DNM2: variants seen among roughly 807,000 people sequenced by gnomAD.
The protein encoded by DNM2 is dynamin 2.
DNM2 carries 15 observed loss-of-function variants against 99.0 expected under a neutral mutation model. The ratio of observed to expected loss-of-function variants is 0.15; its 90% CI spans 0.10 to 0.23. The LOEUF is 0.23. Among genes scored for constraint, DNM2 ranks in the 10% least tolerant of loss-of-function variants. DNM2 has a pLI of 1.00. For synonymous variants in DNM2, 525 were observed against 481.2 expected (o/e 1.09, Z -1.19); for missense variants, 742 against 1,189.4 (o/e 0.62, Z 5.53).
At chr19:10,797,248 G>A (rs546437556) in intron 9 of DNM2, 132 bp from the exon 10 acceptor site, 92 of 1,346,610 alleles carry the variant, frequency 6.8e-5, no homozygotes, top group African/African-American at 1.7e-4. Context: ...AAATGCGGGC[G>A]CAGGCTCCCC....
At position 10,821,033 on chromosome 19, in the gene DNM2, G is replaced by A. The variant is rs562744068; in HGVS notation, c.1781+944G>A. ...AGGGATTAGCTGTCAGTAAAGGCCCGGTGGTACCCTGAGACCTGTAGGCAG... is the reference window on the plus strand; with the variant it reads ...AGGGATTAGCTGTCAGTAAAGGCCCAGTGGTACCCTGAGACCTGTAGGCAG... On this transcript the variant is annotated intron_variant, in intron 16 of 20. Transcript: ENST00000389253. 1.4e-4 allele frequency among the ~76,000 whole-genome samples: 21 copies of A among 152,282 alleles called. No homozygotes were observed. The East Asian group carries it at 3.9e-3, about 28-fold the overall frequency.
rs942299111 is a variant in DNM2 at position 10,817,603 on chromosome 19, G to A, written c.1672-2377G>A. On this transcript the variant is annotated intron_variant, in intron 15 of 20. Coordinates refer to ENST00000389253, the MANE Select transcript of DNM2 (RefSeq NM_001005361.3). The surrounding 1 kb of genome is among the most constrained non-coding windows in gnomAD (Gnocchi z 4.6). The stretch of plus-strand genomic sequence containing the variant: ...AGCCAAGGAAACCACCACTCTTCCC[G>A]AGACGATCCGCTCTGTCCCTTCTGA... 17 of 339,666 alleles carry A rather than the reference G, an allele frequency of 5.0e-5. No individual in the cohort carries two copies. The highest frequency in any genetic ancestry group is 3.2e-4 in the African/African-American group (14 of 43,618). 21.0% of individuals were successfully genotyped at this position (339,666 alleles called of 1,614,324 possible). A position where few individuals can be genotyped will look rare whatever the true frequency, so the allele number is the denominator to read the frequency against.
chr19:10,829,524 G>A (rs1372857787), intron 19 of DNM2, among the ~76,000 whole-genome samples: 1 of 152,178 alleles, frequency 6.6e-6, no homozygotes, highest in Non-Finnish European at 1.5e-5. Flanking sequence ...CCTTCCATTG[G>A]CACAGCCCAA....
chr19:10,777,254 G>A, intron 5 of DNM2, 38 bp downstream of exon 5: 1 of 1,598,626 alleles, frequency 6.3e-7, no homozygotes, highest in Non-Finnish European at 8.6e-7. Flanking sequence ...AGGAGGATGG[G>A]TGGGGTCCTT....
At chr19:10,722,716 C>T (rs1468639510) in intron 1 of DNM2, among the ~76,000 whole-genome samples, 1 of 151,020 alleles carries the variant, frequency 6.6e-6, no homozygotes, top group Non-Finnish European at 1.5e-5. Flanking sequence ...GCCTTGACCT[C>T]CTGGGCTCAA....
chr19:10,800,245 T>C (rs1354369972), intron 11 of DNM2, among the ~76,000 whole-genome samples: 4 of 152,218 alleles, frequency 2.6e-5, no homozygotes, highest in African/African-American at 7.2e-5. Flanking sequence ...CCTTGCTTGC[T>C]ATGTCACTTT....
chr19:10,718,164 A>G lies in DNM2; in HGVS notation c.-79A>G. 1 of 1,290,242 alleles carries G rather than the reference A, an allele frequency of 7.8e-7. No homozygotes were observed. The highest frequency in any genetic ancestry group is 9.8e-7 in the Non-Finnish European group (1 of 1,019,662). 79.9% of individuals were successfully genotyped at this position (1,290,242 alleles called of 1,614,324 possible). A position where few individuals can be genotyped will look rare whatever the true frequency, so the allele number is the denominator to read the frequency against. Reference sequence around the variant, plus strand: ...CGGGCGGGCGGGGAGCAACGGCTACAGACGCCGCGGGGCCAGGTCGTTGAG... The same window carrying G: ...CGGGCGGGCGGGGAGCAACGGCTACGGACGCCGCGGGGCCAGGTCGTTGAG... On this transcript the variant is annotated 5_prime_UTR_variant, in exon 1 of 21. Transcript: ENST00000389253.
At chr19:10,728,350 A>G (rs761483726) in intron 1 of DNM2, among the ~76,000 whole-genome samples, 5 of 152,102 alleles carry the variant, frequency 3.3e-5, no homozygotes, top group Non-Finnish European at 7.4e-5. Flanking sequence ...CACAGGGAGG[A>G]GGACAGAGGA....
intron 1 of DNM2, among the ~76,000 whole-genome samples, chr19:10,752,723 G>A (rs1205610056): frequency 1.3e-5 from 2 of 152,178 alleles, no homozygotes; most frequent in African/African-American, 4.8e-5. Flanking sequence ...CTGTAAAATG[G>A]AGCCAGCAGA....
intron 1 of DNM2, among the ~76,000 whole-genome samples, chr19:10,727,298 T>C (rs1460520330): frequency 6.6e-6 from 1 of 152,174 alleles, no homozygotes; most frequent in Non-Finnish European, 1.5e-5. Flanking sequence ...TGTTTCTGGA[T>C]GAGGGCGGAA....
Position 10,823,871 on chromosome 19 carries a change from G to A in DNM2, c.1865G>A (p.Arg622Gln), listed in dbSNP as rs1196916227. The A allele has an allele frequency of 6.2e-7, 1 of 1,613,708 alleles. No homozygotes were observed. The highest frequency in any genetic ancestry group is 8.5e-7 in the Non-Finnish European group (1 of 1,179,978). The change falls in exon 17 of 21, where the codon CGA becomes CAA. Residue 622 changes from arginine (R) to glutamine (Q), a missense_variant. Physicochemically the swap from Arg to Gln is conservative, Grantham distance 43 (BLOSUM62 1). Coordinates refer to ENST00000389253, the MANE Select transcript of DNM2 (RefSeq NM_001005361.3). Reference sequence around the variant, plus strand: ...GACAGCTGGAAGGCCTCGTTCCTCCGAGCTGGCGTCTACCCCGAGAAGGAC... The same window carrying A: ...GACAGCTGGAAGGCCTCGTTCCTCCAAGCTGGCGTCTACCCCGAGAAGGAC... The part of the protein sequence containing the change: ...DVDSWKASFL[R>Q]AGVYPEKDQA...
chr19:10,779,745 G>A (rs953632121), intron 5 of DNM2, among the ~76,000 whole-genome samples: 1 of 151,774 alleles, frequency 6.6e-6, no homozygotes, highest in Non-Finnish European at 1.5e-5. Context: ...GAGTGCAGGG[G>A]CACAATCTCA....
At chr19:10,792,183 C>A (rs1465257121) in intron 7 of DNM2, among the ~76,000 whole-genome samples, 1 of 152,216 alleles carries the variant, frequency 6.6e-6, no homozygotes, top group Non-Finnish European at 1.5e-5. Context: ...AATGTGCACA[C>A]CCTTTACTTC....
chr19:10,825,180 G>A lies in DNM2; in HGVS notation c.2017G>A (p.Asp673Asn), dbSNP rs1423993325. ...YVAIINKSIR[D>N]LMPKTIMHLM... ...GGCCATCATCAACAAGTCCATCCGC[G>A]ACCTCATGCCAAAGACCATCATGCA... Residue 673 changes from aspartate (D) to asparagine (N), a missense_variant, in exon 18 of 21, where the codon GAC becomes AAC. Asp to Asn is a conservative substitution (Grantham distance 23). Transcript: ENST00000389253. 3 of 1,614,050 alleles carry A rather than the reference G, an allele frequency of 1.9e-6. No individual in the cohort carries two copies. The highest frequency in any genetic ancestry group is 2.5e-6 in the Non-Finnish European group (3 of 1,180,038).
At chr19:10,785,561 G>A (rs1041871917) in intron 6 of DNM2, among the ~76,000 whole-genome samples, 3 of 152,206 alleles carry the variant, frequency 2.0e-5, no homozygotes, top group African/African-American at 7.2e-5. Flanking sequence ...CTCCTGAGTA[G>A]CTGGGACTAC....
At chr19:10,726,724 C>G (rs1374063705) in intron 1 of DNM2, among the ~76,000 whole-genome samples, 1 of 152,054 alleles carries the variant, frequency 6.6e-6, no homozygotes, top group Non-Finnish European at 1.5e-5. Flanking sequence ...ATTAGCCGGG[C>G]GTGGTGGCAG....
chr19:10,804,454 G>A (rs2072266028), intron 12 of DNM2, among the ~76,000 whole-genome samples: 1 of 152,160 alleles, frequency 6.6e-6, no homozygotes, highest in African/African-American at 2.4e-5. Flanking sequence ...TTTGCAGGAG[G>A]CCAAGGTGGG....
rs191081823 is a variant in DNM2 at position 10,800,349 on chromosome 19, C to T, written c.1422+1777C>T. 5.9e-5 allele frequency among the ~76,000 whole-genome samples: 9 copies of T among 152,300 alleles called. No individual in the cohort carries two copies. In the East Asian group the frequency reaches 1.7e-3, roughly 29 times the overall value. On this transcript the variant is annotated intron_variant, in intron 11 of 20. Transcript: ENST00000389253. ...CGCCCAGTTTTGATTTGGCCAATTGCTCCCTCAGGGCACCAGTCCACCTAT... is the reference window on the plus strand; with the variant it reads ...CGCCCAGTTTTGATTTGGCCAATTGTTCCCTCAGGGCACCAGTCCACCTAT...
intron 2 of DNM2, chr19:10,763,445 C>T (rs1014328574): frequency 3.3e-5 from 5 of 152,418 alleles, no homozygotes; most frequent in African/African-American, 7.2e-5. Context: ...CTCAAGCAAT[C>T]CTCCCATCTC....
Sources: gnomAD v4.1 joint callset for allele counts (sites outside exome capture counted in the v4.1 genomes callset) on GRCh38, gnomAD v4.1.1 for gene constraint, Gnocchi (gnomAD v3.1) non-coding constraint, MANE v1.5 for transcripts, NCBI Gene and HGNC (gene_info 2026-07-23, HGNC 2026-07-21) for gene names.